The following TTLL7 variants were observed in gnomAD, a reference collection of about 807,000 sequenced individuals.
The protein encoded by TTLL7 is tubulin tyrosine ligase like 7, also known as tubulin polyglutamylase TTLL7.
A neutral mutation model predicts 120.2 loss-of-function variants in TTLL7; 53 were observed. The observed-to-expected ratio is 0.44, with a 90% CI of 0.35 to 0.55. TTLL7 has a LOEUF of 0.55. TTLL7 is among the 20% of genes least tolerant of loss of function. The probability of loss-of-function intolerance (pLI) is 0.00; values close to 1 mark genes in which losing one functional copy is unlikely to be tolerated. For missense variants in TTLL7, 803 were observed against 1,054.7 expected (o/e 0.76, Z 3.31); for synonymous variants, 353 against 351.7 (o/e 1.00, Z -0.04).
At chr1:83,911,855 T>G (rs1252109377) in intron 14 of TTLL7, among the ~76,000 whole-genome samples, 1 of 151,802 alleles carries the variant, frequency 6.6e-6, no homozygotes, top group Non-Finnish European at 1.5e-5. Flanking sequence ...TGTGTTTGTG[T>G]GTGTGAGGGG....
At chr1:83,982,434 T>C (rs375226522) in intron 1 of TTLL7, among the ~76,000 whole-genome samples, 24 of 151,780 alleles carry the variant, frequency 1.6e-4, no homozygotes, top group East Asian at 9.7e-4. Context: ...TCAATGAAAC[T>C]GAAAACAGGA....
rs7548655 is a variant in TTLL7 at position 83,888,267 on chromosome 1, A to G, written c.2369+2054T>C. On this transcript the variant is annotated intron_variant, in intron 19 of 20. Coordinates refer to ENST00000260505, the MANE Select transcript of TTLL7 (RefSeq NM_024686.6). ...AACAGAAAAAAAACATTTCCATTATAAATTCAGATTGGGAGAACTTTTACA... is the reference window on the plus strand; with the variant it reads ...AACAGAAAAAAAACATTTCCATTATGAATTCAGATTGGGAGAACTTTTACA... 4.7e-4 allele frequency among the ~76,000 whole-genome samples: 72 copies of G among 152,158 alleles called. 1 individual carries two copies. Among genetic ancestry groups the G allele is most frequent in the African/African-American group, 1.7e-3 (69 of 41,548 alleles).
chr1:83,944,143 G>A (rs1311805099), intron 6 of TTLL7, among the ~76,000 whole-genome samples: 3 of 151,882 alleles, frequency 2.0e-5, no homozygotes, highest in African/African-American at 4.8e-5. Context: ...AATGAACAGA[G>A]CCTATAAAAT....
intron 1 of TTLL7, among the ~76,000 whole-genome samples, chr1:83,995,469 G>A (rs1653393813): frequency 6.6e-6 from 1 of 151,498 alleles, no homozygotes; most frequent in Admixed American, 6.6e-5. Flanking sequence ...TCTCTCTCTT[G>A]CTCCTGCTTT....
intron 13 of TTLL7, 29 bp from the exon 14 acceptor site, chr1:83,917,719 A>C (rs1658307911): frequency 1.4e-6 from 2 of 1,458,676 alleles, no homozygotes; most frequent in Non-Finnish European, 1.9e-6. Flanking sequence ...TTAAAATTAC[A>C]ACCACTAATG....
In TTLL7 at chr1:83,989,092, T is replaced by C. The variant is rs148967251; in HGVS notation, c.-177+9839A>G. On this transcript the variant is annotated intron_variant, in intron 1 of 20. Transcript: ENST00000260505. ...TTCTGGATATTAGACCTTTGTCACATACATAGTTTGCAGGCATTTTCTCCC... is the reference window on the plus strand; with the variant it reads ...TTCTGGATATTAGACCTTTGTCACACACATAGTTTGCAGGCATTTTCTCCC... Among the ~76,000 whole-genome samples, 8 of 152,348 alleles carry C rather than the reference T, an allele frequency of 5.3e-5. No homozygotes were observed. In the East Asian group the frequency reaches 1.5e-3, roughly 29 times the overall value.
Position 83,911,196 on chromosome 1 carries a change from G to C in TTLL7, c.1755C>G (p.Pro585=), listed in dbSNP as rs779263601. Residue 585 remains proline (P), a synonymous_variant, in exon 15 of 21, where the codon CCC becomes CCG. Transcript: ENST00000260505. Reference sequence around the variant, plus strand: ...GTTGAATTAATTTGTAGTGGTTGGAGGGTTTAAGATTATATGTAACTTGCT... The same window carrying C: ...GTTGAATTAATTTGTAGTGGTTGGACGGTTTAAGATTATATGTAACTTGCT... ...REKQVTYNLK[P]SNHYKLIQQP... The C allele has an allele frequency of 3.1e-6, 5 of 1,612,096 alleles. No homozygotes were observed. In the South Asian group the frequency reaches 5.5e-5, roughly 18 times the overall value.
At chr1:83,921,923 A>G (rs1035966134) in intron 10 of TTLL7, among the ~76,000 whole-genome samples, 4 of 152,150 alleles carry the variant, frequency 2.6e-5, no homozygotes, top group Admixed American at 6.6e-5. Context: ...TTTATTTGAA[A>G]ACATCTGCAT....
At chr1:83,941,861 T>C (rs540588141) in intron 7 of TTLL7, among the ~76,000 whole-genome samples, 1 of 152,356 alleles carries the variant, frequency 6.6e-6, no homozygotes, top group South Asian at 2.1e-4. Flanking sequence ...CTCCATTTAA[T>C]AGGCTTTAAA....
intron 19 of TTLL7, among the ~76,000 whole-genome samples, chr1:83,885,731 A>G (rs1303358834): frequency 1.3e-5 from 2 of 152,068 alleles, no homozygotes; most frequent in African/African-American, 2.4e-5. Context: ...ACAGAACTGT[A>G]TCCCCTACTC....
chr1:83,933,227 A>G (rs1659754429), intron 9 of TTLL7, among the ~76,000 whole-genome samples: 1 of 152,142 alleles, frequency 6.6e-6, no homozygotes, highest in Non-Finnish European at 1.5e-5. Flanking sequence ...AGACACACTG[A>G]AGGCAAGATC....
At chr1:83,872,643 A>G (rs765491917) in intron 20 of TTLL7, among the ~76,000 whole-genome samples, 10 of 152,358 alleles carry the variant, frequency 6.6e-5, no homozygotes, top group Non-Finnish European at 1.3e-4. Flanking sequence ...TTGACATTTC[A>G]GTAACATTTA....
chr1:83,999,118 C>A lies in TTLL7; in HGVS notation c.-364G>T. 2.3e-6 allele frequency: 1 copy of A among 437,614 alleles called. No individual in the cohort carries two copies. 27.1% of individuals were successfully genotyped at this position (437,614 alleles called of 1,614,324 possible). A position where few individuals can be genotyped will look rare whatever the true frequency, so the allele number is the denominator to read the frequency against. On this transcript the variant is annotated 5_prime_UTR_variant, in exon 1 of 21. Transcript: ENST00000260505. ...CGGCTCGGGACTCCGGTGCTCGACG[C>A]GGAGTGCCTGGAACAGCTGTCGCTG... is the stretch of plus-strand genomic sequence containing the variant.
At chr1:83,934,386 G>A (rs1647219557) in intron 8 of TTLL7, among the ~76,000 whole-genome samples, 1 of 152,178 alleles carries the variant, frequency 6.6e-6, no homozygotes, top group African/African-American at 2.4e-5. Flanking sequence ...TCCAAGGAGA[G>A]TAAATTATTT....
intron 19 of TTLL7, among the ~76,000 whole-genome samples, 158 bp from the exon 20 acceptor site, chr1:83,883,294 T>C (rs1330178281): frequency 3.3e-5 from 5 of 151,994 alleles, no homozygotes; most frequent in Non-Finnish European, 7.4e-5. Flanking sequence ...TAAATACAAA[T>C]CAGGAAATTA....
Position 83,883,754 on chromosome 1 carries a change from A to G in TTLL7, c.2370-618T>C, listed in dbSNP as rs1654725786. Reference sequence around the variant, plus strand: ...CCTTAAGAATGAATGATCCCTTGAAATGACTAAAAAGTTGCTGAAACAATT... The same window carrying G: ...CCTTAAGAATGAATGATCCCTTGAAGTGACTAAAAAGTTGCTGAAACAATT... On this transcript the variant is annotated intron_variant, in intron 19 of 20. Coordinates refer to ENST00000260505, the MANE Select transcript of TTLL7 (RefSeq NM_024686.6). 2.0e-5 allele frequency among the ~76,000 whole-genome samples: 3 copies of G among 152,056 alleles called. No individual in the cohort carries two copies. The South Asian group carries it at 6.2e-4, about 31-fold the overall frequency.
intron 1 of TTLL7, among the ~76,000 whole-genome samples, chr1:83,974,718 T>G (rs1553147788): frequency 3.9e-5 from 6 of 152,064 alleles, no homozygotes; most frequent in Non-Finnish European, 8.8e-5. Context: ...AATACATCCC[T>G]GCTAAAATTA....
At chr1:83,957,273 C>T (rs112405313) in intron 1 of TTLL7, among the ~76,000 whole-genome samples, 1,267 of 152,270 alleles carry the variant, frequency 8.3e-3, no homozygotes, top group Middle Eastern at 0.014. Flanking sequence ...CTCAGACCTT[C>T]TCCAGCAACC....
intron 1 of TTLL7, among the ~76,000 whole-genome samples, chr1:83,973,443 C>T (rs1235217796): frequency 1.3e-5 from 2 of 151,988 alleles, no homozygotes; most frequent in Non-Finnish European, 2.9e-5. Flanking sequence ...TATTCTTTTG[C>T]CAATACCATA....
Sources: gnomAD v4.1 joint callset for allele counts (sites outside exome capture counted in the v4.1 genomes callset) on GRCh38, gnomAD v4.1.1 for gene constraint, MANE v1.5 for transcripts, NCBI Gene and HGNC (gene_info 2026-07-23, HGNC 2026-07-21) for gene names.